Variants in SH3PXD2B observed in about 807,000 individuals in gnomAD.
SH3PXD2B encodes the protein SH3 and PX domain-containing protein 2B.
Under a neutral mutation model 73.1 loss-of-function variants are expected in SH3PXD2B, and 37 were observed. The observed-to-expected ratio is 0.51, with a 90% CI of 0.39 to 0.67. SH3PXD2B has a LOEUF of 0.67. Among genes scored for constraint, SH3PXD2B ranks in the 30% least tolerant of loss-of-function variants. The pLI is 0.00. For missense variants in SH3PXD2B, 1,053 were observed against 1,197.8 expected, an observed-to-expected ratio of 0.88 and a Z score of 1.78; for synonymous variants, 457 against 480.5, an observed-to-expected ratio of 0.95 and a Z score of 0.64.
At chr5:172,412,394 T>C in intron 2 of SH3PXD2B, among the ~76,000 whole-genome samples, 1 of 152,238 alleles carries the variant, frequency 6.6e-6, no homozygotes, top group Admixed American at 6.5e-5. Flanking sequence ...TTTAATTGAC[T>C]TGAATTTACA....
intron 6 of SH3PXD2B, 109 bp from the exon 7 acceptor site, chr5:172,362,978 T>G: frequency 7.1e-7 from 1 of 1,413,808 alleles, no homozygotes; most frequent in Non-Finnish European, 9.9e-7. Context: ...AAAGCAGCAG[T>G]TACAGGACTC....
chr5:172,336,392 G>A lies in SH3PXD2B; in HGVS notation c.*1977C>T, dbSNP rs1481992056. The A allele has an allele frequency of 1.0e-6, 1 of 985,766 alleles. No homozygotes were observed. Among genetic ancestry groups the A allele is most frequent in the Non-Finnish European group, 1.2e-6 (1 of 830,038 alleles). 61.1% of individuals were successfully genotyped at this position (985,766 alleles called of 1,614,324 possible). A position where few individuals can be genotyped will look rare whatever the true frequency, so the allele number is the denominator to read the frequency against. ...GCTGCCATCTGCCCCCAACGCTCTG[G>A]GCACAGGGCCAAGTGGCAAGTGGGC... On this transcript the variant is annotated 3_prime_UTR_variant, in exon 13 of 13. Coordinates refer to ENST00000311601, the MANE Select transcript of SH3PXD2B (RefSeq NM_001017995.3).
intron 1 of SH3PXD2B, among the ~76,000 whole-genome samples, chr5:172,439,342 C>T (rs7710440): frequency 0.49 from 73,009 of 148,076 alleles, 18,742 homozygotes; most frequent in African/African-American, 0.61. Context: ...ACTATGAATC[C>T]TGCCTCTATA....
intron 6 of SH3PXD2B, among the ~76,000 whole-genome samples, chr5:172,370,135 A>G (rs1335512372): frequency 6.6e-6 from 1 of 152,120 alleles, no homozygotes; most frequent in Non-Finnish European, 1.5e-5. Context: ...GACTTCTAGA[A>G]ACCCTTCCTC....
At chr5:172,362,661 G>A (rs1757425834) in intron 7 of SH3PXD2B, 74 bp downstream of exon 7, 1 of 1,610,152 alleles carries the variant, frequency 6.2e-7, no homozygotes, top group African/African-American at 1.3e-5. Context: ...TTCAGTTTCT[G>A]AGTTTCCAAA....
chr5:172,391,116 C>T (rs953729863), intron 4 of SH3PXD2B, among the ~76,000 whole-genome samples: 5 of 152,180 alleles, frequency 3.3e-5, no homozygotes, highest in Admixed American at 2.6e-4. Flanking sequence ...ACTGGGATTA[C>T]AGCCGTGAGC....
chr5:172,408,883 GAC>G lies in SH3PXD2B; in HGVS notation c.157-2533_157-2532del, dbSNP rs541819990. On this transcript the variant is annotated intron_variant, in intron 2 of 12. Transcript: ENST00000311601. The stretch of plus-strand genomic sequence containing the variant: ...AATTTCTAAAATTTAATTTTTAATT[GAC>G]ACATAATAATTGTATATATTCATGG... 6.5e-3 allele frequency among the ~76,000 whole-genome samples: 994 copies of G among 151,914 alleles called. 9 individuals carry two copies. Among genetic ancestry groups the G allele is most frequent in the African/African-American group, 0.022 (930 of 41,426 alleles).
intron 4 of SH3PXD2B, among the ~76,000 whole-genome samples, chr5:172,382,621 C>T (rs1757975423): frequency 6.6e-6 from 1 of 152,032 alleles, no homozygotes; most frequent in African/African-American, 2.4e-5. Context: ...CATATTTGTT[C>T]AAGTAATATG....
rs1296365900 is a variant in SH3PXD2B, at chr5:172,361,108, T to TAC, written c.562+1625_562+1626dup. On this transcript the variant is annotated intron_variant, in intron 7 of 12. Transcript: ENST00000311601. ...AAAAACCCACAAAAATACATATATA[T>TAC]ACATACAAAATATGATGTGTTTGTA... 1.6e-4 allele frequency among the ~76,000 whole-genome samples: 24 copies of TAC among 152,044 alleles called. No homozygotes were observed. The East Asian group carries it at 4.4e-3, about 28-fold the overall frequency.
chr5:172,355,745 C>T lies in SH3PXD2B; in HGVS notation c.668-1740G>A, dbSNP rs570537212. Among the ~76,000 whole-genome samples the T allele has an allele frequency of 1.8e-3, 278 of 152,036 alleles. 1 individual carries two copies. Among genetic ancestry groups the T allele is most frequent in the Middle Eastern group, 3.4e-3 (1 of 292 alleles). On this transcript the variant is annotated intron_variant, in intron 8 of 12. Transcript: ENST00000311601. ...ATTTTTAGTAGAGACGGGGTTTCAC[C>T]GTGTTAGCCGGGATGGTCTCGATCT...
chr5:172,365,052 G>A (rs1297166101), intron 6 of SH3PXD2B, among the ~76,000 whole-genome samples: 1 of 152,262 alleles, frequency 6.6e-6, no homozygotes, highest in East Asian at 1.9e-4. Flanking sequence ...CCCATGCTCT[G>A]GCCACTCCCC....
Position 172,335,965 on chromosome 5 carries a change from G to C in SH3PXD2B, c.*2404C>G. The C allele has an allele frequency of 3.7e-6, 4 of 1,071,810 alleles. No individual in the cohort carries two copies. The highest frequency in any genetic ancestry group is 4.5e-6 in the Non-Finnish European group (4 of 887,026). The allele number at this position is 1,071,810 out of a possible 1,614,324, so 66.4% of individuals were successfully genotyped here. A position where few individuals can be genotyped will look rare whatever the true frequency, so the allele number is the denominator to read the frequency against. On this transcript the variant is annotated 3_prime_UTR_variant, in exon 13 of 13. Coordinates refer to ENST00000311601, the MANE Select transcript of SH3PXD2B (RefSeq NM_001017995.3). ...AGAATGGCAGATTCTTTCATTTGCA[G>C]GAAAACTTTCTGCCTAGAGGAAGGC...
Position 172,333,757 on chromosome 5 carries a change from G to A in SH3PXD2B, c.*4612C>T, listed in dbSNP as rs1419617356. The A allele has an allele frequency of 1.6e-6, 2 of 1,289,366 alleles. No homozygotes were observed. The highest frequency in any genetic ancestry group is 2.5e-5 in the South Asian group (2 of 80,968). The allele number at this position is 1,289,366 out of a possible 1,614,324, so 79.9% of individuals were successfully genotyped here. On this transcript the variant is annotated 3_prime_UTR_variant, in exon 13 of 13. Transcript: ENST00000311601. ...ATGAGCAGACACGAGGTGGTGGGCA[G>A]TGCCCACTGTTCCTGGAGGGAGGTA...
At chr5:172,451,479 C>G (rs1374587596) in intron 1 of SH3PXD2B, among the ~76,000 whole-genome samples, 3 of 152,154 alleles carry the variant, frequency 2.0e-5, no homozygotes, top group Non-Finnish European at 4.4e-5. Flanking sequence ...AGGGAAGCTG[C>G]TAAACATCCT....
At chr5:172,330,388 T>C (rs180766066), downstream of SH3PXD2B, among the ~76,000 whole-genome samples, 1 of 152,292 alleles carries the variant, frequency 6.6e-6, no homozygotes, top group African/African-American at 2.4e-5. Context: ...TCAGGTAGAA[T>C]GCAAGGCAGA....
intron 6 of SH3PXD2B, among the ~76,000 whole-genome samples, chr5:172,372,704 T>C (rs1263668001): frequency 6.6e-6 from 1 of 152,164 alleles, no homozygotes; most frequent in Non-Finnish European, 1.5e-5. Flanking sequence ...ACAAGGCAGA[T>C]TGCTATATCA....
chr5:172,336,917 A>G lies in SH3PXD2B; in HGVS notation c.*1452T>C, dbSNP rs1382814412. On this transcript the variant is annotated 3_prime_UTR_variant, in exon 13 of 13. Transcript: ENST00000311601. ...AAACAGATTTGGCAGTGCGTGAAAA[A>G]AGAAAAAAACATTACAAATGCCGGA... 3.0e-6 allele frequency: 3 copies of G among 985,498 alleles called. No homozygotes were observed. The highest frequency in any genetic ancestry group is 3.6e-6 in the Non-Finnish European group (3 of 829,998). The allele number at this position is 985,498 out of a possible 1,614,324, so 61.0% of individuals were successfully genotyped here.
At chr5:172,348,840 GGGACTACA>G (rs1757087301) in intron 10 of SH3PXD2B, among the ~76,000 whole-genome samples, 1 of 152,044 alleles carries the variant, frequency 6.6e-6, no homozygotes, top group Non-Finnish European at 1.5e-5. Flanking sequence ...CCTAGTAGCT[GGGACTACA>G]GGTGTGTGCC....
chr5:172,406,006 A>T (rs891739103), intron 3 of SH3PXD2B, among the ~76,000 whole-genome samples: 1 of 152,208 alleles, frequency 6.6e-6, no homozygotes, highest in African/African-American at 2.4e-5. Context: ...ACTTATGCCT[A>T]GTGTTCCATT....
Sources: gnomAD v4.1 joint callset for allele counts (sites outside exome capture counted in the v4.1 genomes callset) on GRCh38, gnomAD v4.1.1 for gene constraint, MANE v1.5 for transcripts, NCBI Gene and HGNC (gene_info 2026-07-23, HGNC 2026-07-21) for gene names.